Variants in POLG observed in about 807,000 individuals in gnomAD.
The protein encoded by POLG is DNA polymerase subunit gamma-1.
A neutral mutation model predicts 155.4 loss-of-function variants in POLG; 110 were observed. The ratio of observed to expected loss-of-function variants is 0.71; its 90% CI spans 0.61 to 0.83. POLG has a LOEUF of 0.83. POLG is among the 40% of genes least tolerant of loss of function. POLG has a pLI of 0.00. For missense variants in POLG, 1,685 were observed against 1,627.5 expected, an observed-to-expected ratio of 1.04 and a Z score of -0.61; for synonymous variants, 701 against 631.5, an observed-to-expected ratio of 1.11 and a Z score of -1.65.
In POLG at chr15:89,333,306, T is replaced by C. The variant is rs2055620034; in HGVS notation, c.449A>G (p.Tyr150Cys). ...CAACAGCAAGTTGGCCGCCTCCAGG[T>C]AGGGCAGGCTCTGCTTCTGGGCCAG... ...RLLAQKQSLP[Y>C]LEAANLLLQA... Residue 150 changes from tyrosine (Y) to cysteine (C), a missense_variant, in exon 2 of 23, where the codon TAC (tyrosine) becomes TGC (cysteine). Around this residue, in one of 3 missense-constraint regions of POLG, gnomAD observed 1,210 missense variants for 1,167.1 expected, o/e 1.04. Transcript: ENST00000268124. 2 of 1,555,726 alleles carry C rather than the reference T, an allele frequency of 1.3e-6. No individual in the cohort carries two copies. The highest frequency in any genetic ancestry group is 1.7e-6 in the Non-Finnish European group (2 of 1,150,140).
rs1596348547 is a variant in POLG at position 89,317,487 on chromosome 15, CGACT to C, written c.3528_3531del (p.Val1177ProfsTer16). 3 of 1,614,058 alleles carry C rather than the reference CGACT, an allele frequency of 1.9e-6. No homozygotes were observed. Among genetic ancestry groups the C allele is most frequent in the South Asian group, 1.1e-5 (1 of 91,070 alleles). ...TCAATATCGACTGCACTGAAAAAGG[CGACT>C]GACTGGGGCAAGTCATTCAGACCCA... On this transcript the variant is annotated frameshift_variant, in exon 22 of 23. Transcript: ENST00000268124. LOFTEE classifies it high-confidence loss of function.
chr15:89,330,393 A>C, intron 2 of POLG, 117 bp from the exon 3 acceptor site: 7 of 817,140 alleles, frequency 8.6e-6, no homozygotes, highest in Non-Finnish European at 1.4e-5. Context: ...TGGGGACACA[A>C]GTGAGACCAA....
Position 89,317,521 on chromosome 15 carries a change from GTAGGCAAACATGCACCTGA to G in POLG, c.3483-4_3497del, listed in dbSNP as rs756325504. 53 of 1,613,990 alleles carry G rather than the reference GTAGGCAAACATGCACCTGA, an allele frequency of 3.3e-5. No individual in the cohort carries two copies. Among genetic ancestry groups the G allele is most frequent in the Non-Finnish European group, 4.4e-5 (52 of 1,179,990 alleles). On this transcript the variant is annotated splice_acceptor_variant and splice_polypyrimidine_tract_variant and coding_sequence_variant and intron_variant, in exon 22 of 23. Coordinates refer to ENST00000268124, the MANE Select transcript of POLG (RefSeq NM_002693.3). LOFTEE classifies it high-confidence loss of function. ...GGGGCAAGTCATTCAGACCCAGCTT[GTAGGCAAACATGCACCTGA>G]AAGAGACCCAATCTACTCTCACAGT...
At position 89,328,476 on chromosome 15, in the gene POLG, C is replaced by T. The variant is rs2055551979; in HGVS notation, c.1230G>A (p.Gln410=). The change falls in exon 6 of 23, where the codon CAG becomes CAA. Residue 410 remains glutamine (Q), a synonymous_variant. Coordinates refer to ENST00000268124, the MANE Select transcript of POLG (RefSeq NM_002693.3). ...CTCACCTCTCCAAGAAGAGCGGTAG[C>T]TGCTGCTGGAAAACCTCATGGGTGG... The part of the protein sequence containing the change: ...VWATHEVFQQ[Q]LPLFLERCPH... 1 of 1,613,694 alleles carries T rather than the reference C, an allele frequency of 6.2e-7. No homozygotes were observed. The highest frequency in any genetic ancestry group is 1.7e-5 in the Admixed American group (1 of 59,990).
Position 89,321,945 on chromosome 15 carries a change from C to G in POLG, c.2480+17G>C. 1 of 1,613,790 alleles carries G rather than the reference C, an allele frequency of 6.2e-7. No homozygotes were observed. Among genetic ancestry groups the G allele is most frequent in the Non-Finnish European group, 8.5e-7 (1 of 1,179,654 alleles). On this transcript the variant is annotated intron_variant, in intron 15 of 22. Transcript: ENST00000268124. ...ACCTCAGTTCTCCTATCCCTACAAC[C>G]ACTCAGCAGACCATACCTGATCACA...
chr15:89,325,148 GAGTGAGTGAGT>G (rs2055477837), intron 10 of POLG, among the ~76,000 whole-genome samples: 1 of 50,356 alleles, frequency 2.0e-5, no homozygotes, highest in Non-Finnish European at 4.6e-5. Flanking sequence ...GTGAGAGAGT[GAGTGAGTGAGT>G]GAGTGAGTGA....
At position 89,320,683 on chromosome 15, in the gene POLG, G is replaced by C. The variant is rs921870980; in HGVS notation, c.2981+83C>G. On this transcript the variant is annotated intron_variant, in intron 18 of 22. Coordinates refer to ENST00000268124, the MANE Select transcript of POLG (RefSeq NM_002693.3). ...GTGAGAGTTCAAGTAATGGGCAGGAGATAGAACAGATGGTAGTACTAAAGG... is the reference window on the plus strand; with the variant it reads ...GTGAGAGTTCAAGTAATGGGCAGGACATAGAACAGATGGTAGTACTAAAGG... 4.0e-6 allele frequency: 6 copies of C among 1,490,306 alleles called. No individual in the cohort carries two copies. In the African/African-American group the frequency reaches 6.9e-5, roughly 17 times the overall value. The allele number at this position is 1,490,306 out of a possible 1,614,324, so 92.3% of individuals were successfully genotyped here.
At position 89,333,766 on chromosome 15, in the gene POLG, G is replaced by A; in HGVS notation, c.-12C>T. On this transcript the variant is annotated 5_prime_UTR_variant, in exon 2 of 23. Transcript: ENST00000268124. Reference sequence around the variant, plus strand: ...AGCAGGCGGCTCATGGTTGGTGCAGGGACCCCCACGCTGGGAGTCAGAACA... The same window carrying A: ...AGCAGGCGGCTCATGGTTGGTGCAGAGACCCCCACGCTGGGAGTCAGAACA... 3 of 1,535,000 alleles carry A rather than the reference G, an allele frequency of 2.0e-6. No individual in the cohort carries two copies. Among genetic ancestry groups the A allele is most frequent in the African/African-American group, 1.4e-5 (1 of 73,122 alleles).
At chr15:89,323,582 G>C (rs1266005762) in intron 12 of POLG, 71 bp from the exon 13 acceptor site, 2 of 1,016,946 alleles carry the variant, frequency 2.0e-6, no homozygotes, top group Non-Finnish European at 3.1e-6. Context: ...TGGGGTAGGG[G>C]GTGGGAAAAG....
chr15:89,325,185 A>T (rs2055483787), intron 10 of POLG, among the ~76,000 whole-genome samples: 1 of 98,832 alleles, frequency 1.0e-5, no homozygotes, highest in Admixed American at 9.7e-5. Context: ...TGAGAGAGTG[A>T]GTGAGTGAGA....
intron 21 of POLG, chr15:89,317,759 C>CTT (rs34171931): frequency 0.019 from 8,853 of 473,004 alleles, 2 homozygotes; most frequent in South Asian, 0.023. Context: ...ACTCAACATA[C>CTT]TTTTTTTTTT....
chr15:89,324,750 A>G (rs2055447197), intron 10 of POLG, among the ~76,000 whole-genome samples: 1 of 152,242 alleles, frequency 6.6e-6, no homozygotes, highest in South Asian at 2.1e-4. Flanking sequence ...TGTCAACTAC[A>G]ACATGGGGAT....
At chr15:89,316,871 G>T in intron 22 of POLG, 44 bp from the exon 23 acceptor site, 1 of 1,376,180 alleles carries the variant, frequency 7.3e-7, no homozygotes, top group Non-Finnish European at 1.0e-6. Context: ...CTCAAGAACT[G>T]TAACTGAGAG....
Position 89,333,246 on chromosome 15 carries a change from G to A in POLG, c.509C>T (p.Ala170Val), listed in dbSNP as rs755404918. The A allele has an allele frequency of 1.9e-6, 3 of 1,574,900 alleles. No homozygotes were observed. The highest frequency in any genetic ancestry group is 1.4e-5 in the African/African-American group (1 of 73,850). ...AQLPPKPPAW[A>V]WAEGWTRYGP... ...GTACCGGGTCCAGCCCTCCGCCCAG[G>A]CCCAAGCCGGGGGCTTCGGGGGCAG... Residue 170 changes from alanine (A) to valine (V), a missense_variant, in exon 2 of 23, where the codon GCC becomes GTC. By Grantham distance (64) the Ala-to-Val change is moderately conservative. This residue lies in a region of POLG where 1,210 missense variants were observed against 1,167.1 expected (regional missense o/e 1.04). Coordinates refer to ENST00000268124, the MANE Select transcript of POLG (RefSeq NM_002693.3).
chr15:89,321,787 G>A lies in POLG; in HGVS notation c.2547C>T (p.Thr849=). ...AILPQVVTAG[T]ITRRAVEPTW... ...TGGGCTCCACAGCCCGGCGAGTGAT[G>A]GTGCCGGCAGTCACCACTTGGGGCA... Residue 849 remains threonine (T), a synonymous_variant, in exon 16 of 23, where the codon ACC becomes ACT. Transcript: ENST00000268124. 1 of 1,614,182 alleles carries A rather than the reference G, an allele frequency of 6.2e-7. No individual in the cohort carries two copies. The highest frequency in any genetic ancestry group is 8.5e-7 in the Non-Finnish European group (1 of 1,180,034).
At chr15:89,327,415 G>C in intron 6 of POLG, 66 bp from the exon 7 acceptor site, 1 of 1,490,016 alleles carries the variant, frequency 6.7e-7, no homozygotes. Flanking sequence ...CAATCCCTGA[G>C]CTGGTTTAGC....
rs121918051 is a variant in POLG, at chr15:89,320,878, C to G, written c.2869G>C (p.Ala957Pro). ...AAGCGCTCAGCAAAGGGCTGCCCAG[C>G]ACCATAGATGCGGCCGTAGTTGAAG... is the stretch of plus-strand genomic sequence containing the variant. ...KIFNYGRIYG[A>P]GQPFAERLLM... Residue 957 changes from alanine to proline, a missense_variant, in exon 18 of 23, where the codon GCT becomes CCT. Physicochemically the swap from Ala to Pro is conservative, Grantham distance 27 (BLOSUM62 -1). Coordinates refer to ENST00000268124, the MANE Select transcript of POLG (RefSeq NM_002693.3). The G allele has an allele frequency of 5.0e-6, 8 of 1,613,892 alleles. No individual in the cohort carries two copies. The highest frequency in any genetic ancestry group is 5.9e-6 in the Non-Finnish European group (7 of 1,180,054).
Position 89,329,073 on chromosome 15 carries a change from T to C in POLG, c.893A>G (p.His298Arg), listed in dbSNP as rs1205641423. The C allele has an allele frequency of 6.2e-7, 1 of 1,612,740 alleles. No individual in the cohort carries two copies. The highest frequency in any genetic ancestry group is 1.7e-5 in the Admixed American group (1 of 60,028). The change falls in exon 4 of 23, where the codon CAC becomes CGC. Residue 298 changes from histidine (H) to arginine (R), a missense_variant. By Grantham distance (29) the His-to-Arg change is conservative (BLOSUM62 0). Transcript: ENST00000268124. ...GCTGCTTAGCCCTGAGATGGCCATG[T>C]GCATGCTCATGGTGTCCAGGAAACG... Reference protein sequence around the residue: ...RMRFLDTMSMHMAISGLSSFQ... With the variant: ...RMRFLDTMSMRMAISGLSSFQ...
At position 89,330,157 on chromosome 15, in the gene POLG, T is replaced by C; in HGVS notation, c.779A>G (p.Asp260Gly). The change falls in exon 3 of 23, where the codon GAC (aspartate) becomes GGC (glycine). Residue 260 changes from aspartate to glycine, a missense_variant. By Grantham distance (94) the Asp-to-Gly change is moderately conservative. Around this residue, in one of 3 missense-constraint regions of POLG, gnomAD observed 1,210 missense variants for 1,167.1 expected, o/e 1.04. Coordinates refer to ENST00000268124, the MANE Select transcript of POLG (RefSeq NM_002693.3). ...PTGASSPTQRDWQEQLVVGHN... is the reference protein window; with the variant it reads ...PTGASSPTQRGWQEQLVVGHN... ...CCCCACCACTAACTGCTCCTGCCAG[T>C]CTCTCTGGGTGGGGCTGCTGGCACC... 1 of 1,613,964 alleles carries C rather than the reference T, an allele frequency of 6.2e-7. No homozygotes were observed.
Sources: gnomAD v4.1 joint callset for allele counts (sites outside exome capture counted in the v4.1 genomes callset) on GRCh38, gnomAD v4.1.1 for gene constraint, gnomAD v4.1.1 regional missense constraint, MANE v1.5 for transcripts, NCBI Gene and HGNC (gene_info 2026-07-23, HGNC 2026-07-21) for gene names.